NOP14: variants seen among roughly 807,000 people sequenced by gnomAD.
NOP14 encodes the protein NOP14 nucleolar protein, also known as nucleolar protein 14.
In NOP14, 57 loss-of-function variants were observed where a neutral mutation model predicts 101.6. The observed-to-expected ratio is 0.56, with a 90% CI of 0.45 to 0.70. The LOEUF (loss-of-function observed/expected upper bound fraction) is 0.70. NOP14 is among the 30% of genes least tolerant of loss of function. NOP14 has a pLI of 0.00. For synonymous variants in NOP14, 428 were observed against 424.0 expected (o/e 1.01, Z -0.12); for missense variants, 1,134 against 1,075.5 (o/e 1.05, Z -0.76).
At chr4:2,942,644 A>G (rs1241876550) in intron 13 of NOP14, among the ~76,000 whole-genome samples, 1 of 152,198 alleles carries the variant, frequency 6.6e-6, no homozygotes, top group African/African-American at 2.4e-5. Flanking sequence ...TGAGGCGCTC[A>G]GGCCACATCC....
At chr4:2,950,528 AGTG>A in intron 7 of NOP14, 1 of 411,850 alleles carries the variant, frequency 2.4e-6, no homozygotes, top group Non-Finnish European at 4.5e-6. Flanking sequence ...TAGCAGGAGG[AGTG>A]TCTACAGCAC....
intron 6 of NOP14, 143 bp downstream of exon 6, chr4:2,952,132 A>C: frequency 1.4e-6 from 1 of 733,038 alleles, no homozygotes; most frequent in East Asian, 3.1e-5. Context: ...AAAGGTATTC[A>C]TGAATAAATA....
In NOP14 at chr4:2,942,212, C is replaced by T. The variant is rs749072590; in HGVS notation, c.2031G>A (p.Ser677=). 2.5e-6 allele frequency: 4 copies of T among 1,614,074 alleles called. No homozygotes were observed. In the Admixed American group the frequency reaches 5.0e-5, roughly 20 times the overall value. ...RWASRLRAPT[S]TEANHIRLSC... ...CATACCGGATGTGATTGGCCTCTGT[C>T]GAAGTTGGGGCCCTCAGTCTACTCG... The change falls in exon 14 of 18, where the codon TCG becomes TCA. Residue 677 remains serine (S), a synonymous_variant. Coordinates refer to ENST00000416614, the MANE Select transcript of NOP14 (RefSeq NM_001291978.2).
chr4:2,939,218 G>T lies in NOP14; in HGVS notation c.2444C>A (p.Ala815Glu), dbSNP rs771860782. 1.2e-6 allele frequency: 2 copies of T among 1,613,940 alleles called. No individual in the cohort carries two copies. The highest frequency in any genetic ancestry group is 2.2e-5 in the South Asian group (2 of 91,090). Residue 815 changes from alanine to glutamate, a missense_variant, in exon 17 of 18, where the codon GCG (alanine) becomes GAG (glutamate). Coordinates refer to ENST00000416614, the MANE Select transcript of NOP14 (RefSeq NM_001291978.2). The stretch of plus-strand genomic sequence containing the variant: ...CATGATTTCTGAGAGTTGCATCCTC[G>T]CCAGGAACTGATTGTCCTTGCGGAT... ...REIRKDNQFL[A>E]RMQLSEIMER...
At position 2,942,355 on chromosome 4, in the gene NOP14, A is replaced by G. The variant is rs1187682355; in HGVS notation, c.1892-4T>C. 3 of 1,612,718 alleles carry G rather than the reference A, an allele frequency of 1.9e-6. No homozygotes were observed. In the East Asian group the frequency reaches 6.7e-5, roughly 36 times the overall value. ...AAAGGGTGCACCAGAGTGGAACCTG[A>G]ATTCCAAGTGCGACAGGACAGAGAT... On this transcript the variant is annotated splice_polypyrimidine_tract_variant and splice_region_variant and intron_variant, in intron 13 of 17. Coordinates refer to ENST00000416614, the MANE Select transcript of NOP14 (RefSeq NM_001291978.2).
At chr4:2,942,424 G>GAT in intron 13 of NOP14, 73 bp from the exon 14 acceptor site, 2 of 1,468,560 alleles carry the variant, frequency 1.4e-6, no homozygotes, top group Non-Finnish European at 1.9e-6. Context: ...GCGGCACCGA[G>GAT]CCTGTGGAAG....
intron 5 of NOP14, 21 bp downstream of exon 5, chr4:2,953,490 G>C (rs529838660): frequency 6.2e-7 from 1 of 1,613,442 alleles, no homozygotes; most frequent in South Asian, 1.1e-5. Context: ...TGAAGAGTTT[G>C]TTTCAGTACT....
chr4:2,957,637 T>A lies in NOP14; in HGVS notation c.299A>T (p.Lys100Met), dbSNP rs774324502. The A allele has an allele frequency of 8.1e-6, 13 of 1,614,088 alleles. No individual in the cohort carries two copies. The highest frequency in any genetic ancestry group is 5.0e-5 in the Admixed American group (3 of 60,000). ...EYNSNMSPEE[K>M]MMKRFALEQQ... Reference sequence around the variant, plus strand: ...TTCCAGAGCAAACCTCTTCATCATCTTCTCCTCGGGGCTCATGTTGCTGTT... The same window carrying A: ...TTCCAGAGCAAACCTCTTCATCATCATCTCCTCGGGGCTCATGTTGCTGTT... The change falls in exon 2 of 18, where the codon AAG (lysine) becomes ATG (methionine). Residue 100 changes from lysine (K) to methionine (M), a missense_variant. By Grantham distance (95) the Lys-to-Met change is moderately conservative. Coordinates refer to ENST00000416614, the MANE Select transcript of NOP14 (RefSeq NM_001291978.2).
chr4:2,939,086 C>T, intron 17 of NOP14, 102 bp downstream of exon 17: 2 of 1,558,710 alleles, frequency 1.3e-6, no homozygotes, highest in Non-Finnish European at 1.8e-6. Flanking sequence ...CCAGCCAGAG[C>T]CAAGGCTGTG....
At chr4:2,939,460 A>G (rs1577813035) in intron 16 of NOP14, 67 bp downstream of exon 16, 1 of 1,596,798 alleles carries the variant, frequency 6.3e-7, no homozygotes. Context: ...GAACTGGCAG[A>G]CGCCCCCCGT....
chr4:2,941,754 G>A (rs1487608285), intron 14 of NOP14, 25 bp from the exon 15 acceptor site: 2 of 1,605,774 alleles, frequency 1.2e-6, no homozygotes, highest in Admixed American at 1.7e-5. Flanking sequence ...GGCAAGAGGA[G>A]GTCCAACTTG....
chr4:2,963,040 C>T, intron 1 of NOP14, 85 bp downstream of exon 1: 2 of 1,359,080 alleles, frequency 1.5e-6, no homozygotes, highest in South Asian at 3.0e-5. Context: ...ACGAGGAAAC[C>T]GACGCACCGA....
intron 13 of NOP14, among the ~76,000 whole-genome samples, chr4:2,943,168 G>T (rs370604370): frequency 3.6e-4 from 55 of 152,376 alleles, no homozygotes; most frequent in African/African-American, 1.3e-3. Context: ...AGGAGCCTTG[G>T]GAGGCAGGTG....
At chr4:2,944,444 C>T (rs933926695) in intron 12 of NOP14, among the ~76,000 whole-genome samples, 1 of 152,108 alleles carries the variant, frequency 6.6e-6, no homozygotes, top group Non-Finnish European at 1.5e-5. Context: ...TTCACTCTTA[C>T]CACCCAGGCT....
intron 13 of NOP14, among the ~76,000 whole-genome samples, chr4:2,943,555 C>T (rs1420475656): frequency 6.6e-6 from 1 of 152,242 alleles, no homozygotes; most frequent in Non-Finnish European, 1.5e-5. Flanking sequence ...GACTGCTCCT[C>T]ATCCCAACAC....
intron 8 of NOP14, among the ~76,000 whole-genome samples, chr4:2,949,124 CAGCTTCACCACT>C (rs1354335796): frequency 1.3e-5 from 2 of 152,326 alleles, no homozygotes; most frequent in East Asian, 1.9e-4. Context: ...TCACAGAGGC[CAGCTTCACCACT>C]AGCTTCTCCT....
chr4:2,960,454 A>G (rs1715652436), intron 1 of NOP14, among the ~76,000 whole-genome samples: 1 of 152,038 alleles, frequency 6.6e-6, no homozygotes, highest in Non-Finnish European at 1.5e-5. Context: ...GGCTATAAAT[A>G]CGTAATATGA....
rs550733407 is a variant in NOP14, at chr4:2,946,482, C to T, written c.1565G>A (p.Arg522Gln). Residue 522 changes from arginine (R) to glutamine (Q), a missense_variant, in exon 11 of 18, where the codon CGA (arginine) becomes CAA (glutamine). Coordinates refer to ENST00000416614, the MANE Select transcript of NOP14 (RefSeq NM_001291978.2). ...TTCTTCCATCTCATGCATCGCATCT[C>T]GGAGAACAAATTTGATAGCGTCACT... ...SASDAIKFVL[R>Q]DAMHEMEEMI... 12 of 1,614,206 alleles carry T rather than the reference C, an allele frequency of 7.4e-6. No homozygotes were observed. The highest frequency in any genetic ancestry group is 4.4e-5 in the South Asian group (4 of 91,092).
chr4:2,946,617 C>T (rs1261267954), intron 10 of NOP14, 70 bp from the exon 11 acceptor site: 2 of 1,473,960 alleles, frequency 1.4e-6, no homozygotes, highest in Non-Finnish European at 1.9e-6. Flanking sequence ...CCCTGCAAGC[C>T]ACTTTCCTAT....
Sources: allele counts gnomAD v4.1 joint callset (sites outside exome capture counted in the v4.1 genomes callset), GRCh38; gene constraint gnomAD v4.1.1; transcripts MANE v1.5; gene names NCBI Gene and HGNC (gene_info 2026-07-23, HGNC 2026-07-21).